Variants in UBE2D2 observed in about 807,000 individuals in gnomAD.
UBE2D2 encodes the protein ubiquitin conjugating enzyme E2 D2.
In UBE2D2, 2 loss-of-function variants were observed where a neutral mutation model predicts 24.2. The observed-to-expected ratio is 0.08, with a 90% CI of 0.03 to 0.26. UBE2D2 has a LOEUF of 0.26. Ranked by LOEUF, UBE2D2 falls within the 10% of genes least tolerant of loss-of-function variation. The probability of loss-of-function intolerance (pLI) is 1.00; values close to 1 mark genes in which losing one functional copy is unlikely to be tolerated. For synonymous variants in UBE2D2, 58 were observed against 56.5 expected (o/e 1.03, Z -0.12); for missense variants, 44 against 177.6 (o/e 0.25, Z 4.28).
rs137929713 is a variant in UBE2D2, at chr5:139,563,921, G to T, written c.24+2106G>T. On this transcript the variant is annotated intron_variant, in intron 1 of 6. Coordinates refer to ENST00000398733, the MANE Select transcript of UBE2D2 (RefSeq NM_003339.3). ...CTGCACTCCAGCCTGGGCCACAGGC[G>T]AGACTCCCTTTCAAAAAAAAAAGAA... is the stretch of plus-strand genomic sequence containing the variant. 5.3e-3 allele frequency among the ~76,000 whole-genome samples: 812 copies of T among 151,880 alleles called. 4 individuals carry two copies. The highest frequency in any genetic ancestry group is 9.6e-3 in the South Asian group (46 of 4,794).
rs1753084761 is a variant in UBE2D2, at chr5:139,561,411, C to G, written c.-381C>G. 1 of 204,486 alleles carries G rather than the reference C, an allele frequency of 4.9e-6. No homozygotes were observed. The highest frequency in any genetic ancestry group is 6.0e-5 in the Admixed American group (1 of 16,648). 12.7% of individuals were successfully genotyped at this position (204,486 alleles called of 1,614,324 possible). On this transcript the variant is annotated 5_prime_UTR_variant, in exon 1 of 7. Transcript: ENST00000398733. ...CACCTGCAGCAGGGAGGAAGACAGG[C>G]AATCCCTCCGGCTGTCCGACCAAGA...
chr5:139,548,069 C>A (rs1752855750), intron 1 of UBE2D2, among the ~76,000 whole-genome samples: 1 of 148,520 alleles, frequency 6.7e-6, no homozygotes, highest in South Asian at 2.1e-4. Flanking sequence ...GAGGCTGAAG[C>A]AGGCGGATGG....
chr5:139,579,305 A>G (rs954941201), intron 1 of UBE2D2, among the ~76,000 whole-genome samples: 3 of 151,758 alleles, frequency 2.0e-5, no homozygotes, highest in Non-Finnish European at 4.4e-5. Context: ...GCGCCACCAC[A>G]CCCGGTTTAT....
intron 1 of UBE2D2, among the ~76,000 whole-genome samples, chr5:139,571,261 G>A (rs2126655267): frequency 6.6e-6 from 1 of 152,026 alleles, no homozygotes; most frequent in Middle Eastern, 3.4e-3. Flanking sequence ...ACAAAAATTA[G>A]CCAGGCACAG....
chr5:139,610,194 A>G (rs1000680300), intron 2 of UBE2D2, among the ~76,000 whole-genome samples: 1 of 152,176 alleles, frequency 6.6e-6, no homozygotes, highest in Admixed American at 6.6e-5. Context: ...AGAGTGAATG[A>G]ATGAAGAGTC....
At position 139,529,408 on chromosome 5, in the gene UBE2D2, A is replaced by G. The variant is rs565710562; in HGVS notation, c.-64+2796A>G. ...TTAATAGTAAACAGCATGGGATAAGATGCAGTTCTCTAGATTGGAAAAAAA... is the reference window on the plus strand; with the variant it reads ...TTAATAGTAAACAGCATGGGATAAGGTGCAGTTCTCTAGATTGGAAAAAAA... On this transcript the variant is annotated intron_variant, in intron 1 of 6. Coordinates refer to the UBE2D2 transcript ENST00000511725. Among the ~76,000 whole-genome samples the G allele has an allele frequency of 1.5e-4, 23 of 152,326 alleles. No individual in the cohort carries two copies. In the South Asian group the frequency reaches 4.8e-3, roughly 32 times the overall value.
At chr5:139,580,858 G>A (rs1753587067) in intron 1 of UBE2D2, among the ~76,000 whole-genome samples, 3 of 152,194 alleles carry the variant, frequency 2.0e-5, no homozygotes, top group South Asian at 4.1e-4. Flanking sequence ...TAAGGTTTCA[G>A]TGAGCTATGA....
At chr5:139,555,609 G>T (rs1236923276) in intron 1 of UBE2D2, among the ~76,000 whole-genome samples, 1 of 151,960 alleles carries the variant, frequency 6.6e-6, no homozygotes, top group Non-Finnish European at 1.5e-5. Context: ...TATAAAATTG[G>T]TCATCTAAAC....
chr5:139,544,606 A>G (rs937236713), intron 1 of UBE2D2, among the ~76,000 whole-genome samples: 3 of 148,674 alleles, frequency 2.0e-5, no homozygotes, highest in African/African-American at 7.5e-5. Flanking sequence ...CTGCATTCTA[A>G]CCACACACAC....
chr5:139,571,577 A>G (rs1753352330), intron 1 of UBE2D2, among the ~76,000 whole-genome samples: 1 of 152,180 alleles, frequency 6.6e-6, no homozygotes, highest in South Asian at 2.1e-4. Context: ...TGGTTATGGT[A>G]GGAAGAACTA....
chr5:139,581,280 C>G (rs1753597214), intron 1 of UBE2D2, among the ~76,000 whole-genome samples: 1 of 152,036 alleles, frequency 6.6e-6, no homozygotes, highest in Admixed American at 6.6e-5. Context: ...AACCCCATCT[C>G]TACTAAAAAT....
chr5:139,548,539 T>C (rs1015830779), intron 1 of UBE2D2, among the ~76,000 whole-genome samples: 2 of 152,138 alleles, frequency 1.3e-5, no homozygotes, highest in East Asian at 3.9e-4. Flanking sequence ...ACTGAGCTTG[T>C]AGATTTCCCT....
chr5:139,589,733 T>C (rs948708490), intron 1 of UBE2D2, among the ~76,000 whole-genome samples: 1 of 152,224 alleles, frequency 6.6e-6, no homozygotes, highest in African/African-American at 2.4e-5. Flanking sequence ...ATTTGTTGTA[T>C]GAAACATTAA....
At chr5:139,560,580 C>A (rs551963464), upstream of UBE2D2, among the ~76,000 whole-genome samples, 1 of 152,206 alleles carries the variant, frequency 6.6e-6, no homozygotes, top group African/African-American at 2.4e-5. Flanking sequence ...GATGCGCCAG[C>A]CTCAGCCTCC....
chr5:139,592,275 G>C (rs969845766), intron 1 of UBE2D2, among the ~76,000 whole-genome samples: 2 of 152,114 alleles, frequency 1.3e-5, no homozygotes, highest in Non-Finnish European at 2.9e-5. Flanking sequence ...TCTTTTTCCA[G>C]TTTGTGCCAT....
Position 139,552,176 on chromosome 5 carries a change from T to G in UBE2D2, c.-64+25564T>G, listed in dbSNP as rs373222684. Among the ~76,000 whole-genome samples, 79 of 152,146 alleles carry G rather than the reference T, an allele frequency of 5.2e-4. No homozygotes were observed. The East Asian group carries it at 0.014, about 26-fold the overall frequency. The stretch of plus-strand genomic sequence containing the variant: ...TCTAATAGCTAACTTTTTTTTTTTT[T>G]TTTTGAGACGGAGTCTCACTCTGTT... On this transcript the variant is annotated intron_variant, in intron 1 of 6. Coordinates refer to the UBE2D2 transcript ENST00000511725.
chr5:139,613,321 G>A (rs1413899157), intron 2 of UBE2D2, among the ~76,000 whole-genome samples: 1 of 152,150 alleles, frequency 6.6e-6, no homozygotes, highest in African/African-American at 2.4e-5. Flanking sequence ...CCTGGTTTGG[G>A]TTGTTCAAAT....
chr5:139,614,984 A>T lies in UBE2D2; in HGVS notation c.304+18A>T. 1 of 1,586,454 alleles carries T rather than the reference A, an allele frequency of 6.3e-7. No individual in the cohort carries two copies. Among genetic ancestry groups the T allele is most frequent in the Non-Finnish European group, 8.6e-7 (1 of 1,163,906 alleles). On this transcript the variant is annotated intron_variant, in intron 5 of 6. Transcript: ENST00000398733. ...TTCAAAAGGTAACAGTGGGTATTTGATATCAAGATAAAGCAACCGTGTCTT... is the reference window on the plus strand; with the variant it reads ...TTCAAAAGGTAACAGTGGGTATTTGTTATCAAGATAAAGCAACCGTGTCTT...
At chr5:139,597,832 A>G (rs1753989606) in intron 1 of UBE2D2, among the ~76,000 whole-genome samples, 1 of 152,240 alleles carries the variant, frequency 6.6e-6, no homozygotes, top group Non-Finnish European at 1.5e-5. Context: ...TTAGAGACAT[A>G]AAATCTAAAA....
Sources: allele counts gnomAD v4.1 joint callset (sites outside exome capture counted in the v4.1 genomes callset), GRCh38; gene constraint gnomAD v4.1.1; transcripts MANE v1.5; gene names NCBI Gene and HGNC (gene_info 2026-07-23, HGNC 2026-07-21).